Variants in EXOC4 observed in about 807,000 individuals in gnomAD.
EXOC4 encodes the protein exocyst complex component 4, also known as SEC8-like 1.
Under a neutral mutation model 107.2 loss-of-function variants are expected in EXOC4, and 71 were observed. The observed-to-expected ratio is 0.66, with a 90% confidence interval of 0.55 to 0.81. The LOEUF (loss-of-function observed/expected upper bound fraction) is 0.81. Ranked by LOEUF, EXOC4 falls within the 30% of genes least tolerant of loss-of-function variation. EXOC4 has a pLI of 0.00. For synonymous variants in EXOC4, 456 were observed against 441.2 expected, an observed-to-expected ratio of 1.03 and a Z score of -0.42; for missense variants, 1,108 against 1,189.6, an observed-to-expected ratio of 0.93 and a Z score of 1.01.
intron 7 of EXOC4, among the ~76,000 whole-genome samples, chr7:133,458,158 A>C (rs1377108071): frequency 6.6e-6 from 1 of 152,166 alleles, no homozygotes; most frequent in African/African-American, 2.4e-5. Flanking sequence ...CTACGCAGCT[A>C]TTCATCTCAT....
At chr7:133,623,199 G>A (rs1021926153) in intron 9 of EXOC4, among the ~76,000 whole-genome samples, 1 of 152,066 alleles carries the variant, frequency 6.6e-6, no homozygotes, top group African/African-American at 2.4e-5. Context: ...AGTATAACGC[G>A]AGAGCTACAC....
chr7:133,817,302 C>A (rs1797394886), intron 10 of EXOC4, 23 bp from the exon 11 acceptor site: 16 of 1,543,308 alleles, frequency 1.0e-5, no homozygotes, highest in African/African-American at 1.4e-5. Flanking sequence ...AATTTAATAA[C>A]CTTCTTACTG....
At chr7:133,480,584 A>C (rs1799131368) in intron 9 of EXOC4, 2 of 305,604 alleles carry the variant, frequency 6.5e-6, no homozygotes, top group Admixed American at 1.0e-4. Context: ...ATAGTATGTT[A>C]TAATCAATAT....
chr7:134,070,731 A>C (rs891838745), downstream of EXOC4, among the ~76,000 whole-genome samples: 3 of 152,168 alleles, frequency 2.0e-5, no homozygotes, highest in African/African-American at 2.4e-5. Context: ...TAAAAGCCAC[A>C]TGCATACTAT....
chr7:133,995,857 G>C (rs929584114), intron 14 of EXOC4, among the ~76,000 whole-genome samples: 20 of 152,074 alleles, frequency 1.3e-4, no homozygotes, highest in African/African-American at 4.8e-4. Context: ...AGTGCTGAAA[G>C]GTCATAAGTG....
intron 2 of EXOC4, among the ~76,000 whole-genome samples, chr7:133,282,100 T>C (rs553970682): frequency 3.9e-5 from 6 of 152,342 alleles, no homozygotes; most frequent in African/African-American, 1.2e-4. Context: ...CTGGTCTTCC[T>C]CTCACAAATG....
intron 14 of EXOC4, among the ~76,000 whole-genome samples, chr7:133,971,218 G>C (rs1249859818): frequency 1.3e-5 from 2 of 151,570 alleles, no homozygotes; most frequent in African/African-American, 2.4e-5. Flanking sequence ...TGACGAGTAA[G>C]AGATTGATTT....
At chr7:133,989,324 A>G (rs1794192573) in intron 14 of EXOC4, among the ~76,000 whole-genome samples, 1 of 152,186 alleles carries the variant, frequency 6.6e-6, no homozygotes, top group Non-Finnish European at 1.5e-5. Flanking sequence ...ATATACAGGT[A>G]GCAGTATCTT....
rs889112090 is a variant in EXOC4, at chr7:133,347,482, T to C, written c.764-8848T>C. Among the ~76,000 whole-genome samples, 5 of 152,136 alleles carry C rather than the reference T, an allele frequency of 3.3e-5. 1 individual carries two copies. ...TGGTCTCGATCTCTTGACCTCTTGATCCGCCTGCCTCAGCCTCCCAAAGTG... is the reference window on the plus strand; with the variant it reads ...TGGTCTCGATCTCTTGACCTCTTGACCCGCCTGCCTCAGCCTCCCAAAGTG... On this transcript the variant is annotated intron_variant, in intron 5 of 17. Coordinates refer to ENST00000253861, the MANE Select transcript of EXOC4 (RefSeq NM_021807.4).
chr7:133,736,231 C>A (rs1357457556), intron 10 of EXOC4, among the ~76,000 whole-genome samples: 1 of 152,180 alleles, frequency 6.6e-6, no homozygotes, highest in Non-Finnish European at 1.5e-5. Flanking sequence ...CAAGTTTATC[C>A]AAACAGTAGG....
At position 134,007,670 on chromosome 7, in the gene EXOC4, C is replaced by T. The variant is rs953293600; in HGVS notation, c.2528-6C>T. ...TTCTTTGCCCCGCACTGTGCTGACCCCTCAGGCCTGGGCCACCTGATCTCC... is the reference window on the plus strand; with the variant it reads ...TTCTTTGCCCCGCACTGTGCTGACCTCTCAGGCCTGGGCCACCTGATCTCC... On this transcript the variant is annotated splice_polypyrimidine_tract_variant and splice_region_variant and intron_variant, in intron 16 of 17. Transcript: ENST00000253861. 6.2e-7 allele frequency: 1 copy of T among 1,611,732 alleles called. No homozygotes were observed. The highest frequency in any genetic ancestry group is 2.2e-5 in the East Asian group (1 of 44,836).
At chr7:133,426,443 T>C (rs1419364341) in intron 7 of EXOC4, among the ~76,000 whole-genome samples, 1 of 152,198 alleles carries the variant, frequency 6.6e-6, no homozygotes, top group Admixed American at 6.5e-5. Flanking sequence ...AATAAGCAAA[T>C]TAATTACATG....
intron 13 of EXOC4, among the ~76,000 whole-genome samples, chr7:133,933,340 C>T (rs532055713): frequency 5.0e-4 from 76 of 152,252 alleles, no homozygotes; most frequent in Non-Finnish European, 9.4e-4. Context: ...TCATAGGCTT[C>T]TATGTGAGCC....
chr7:134,069,303 TCC>T (rs1796236435), downstream of EXOC4, among the ~76,000 whole-genome samples: 1 of 55,460 alleles, frequency 1.8e-5, no homozygotes. Context: ...ATTCTCCTCC[TCC>T]TCCTTTCTTC....
intron 17 of EXOC4, among the ~76,000 whole-genome samples, chr7:134,051,329 C>A (rs2116580189): frequency 6.6e-6 from 1 of 152,180 alleles, no homozygotes; most frequent in East Asian, 1.9e-4. Context: ...GAGCCAATAG[C>A]AGAATCAGAG....
chr7:133,406,676 T>C (rs985393032), intron 7 of EXOC4, among the ~76,000 whole-genome samples: 7 of 152,236 alleles, frequency 4.6e-5, no homozygotes, highest in African/African-American at 1.7e-4. Context: ...ATAAATAAAA[T>C]ACAGTTCTCA....
intron 17 of EXOC4, among the ~76,000 whole-genome samples, chr7:134,033,555 C>G (rs1040664115): frequency 6.6e-6 from 1 of 152,080 alleles, no homozygotes; most frequent in Non-Finnish European, 1.5e-5. Flanking sequence ...CTTGCCTATA[C>G]TTAGAGGCCC....
chr7:133,439,962 A>T (rs1319842674), intron 7 of EXOC4, among the ~76,000 whole-genome samples: 1 of 152,150 alleles, frequency 6.6e-6, no homozygotes, highest in Non-Finnish European at 1.5e-5. Flanking sequence ...AGATGAGCAC[A>T]TTGCTTATTG....
intron 9 of EXOC4, among the ~76,000 whole-genome samples, chr7:133,567,760 A>G (rs1192932711): frequency 6.6e-6 from 1 of 152,210 alleles, no homozygotes; most frequent in Non-Finnish European, 1.5e-5. Context: ...GGCAAAAGGC[A>G]GAAATGAACA....
Sources: allele counts gnomAD v4.1 joint callset (sites outside exome capture counted in the v4.1 genomes callset), GRCh38; gene constraint gnomAD v4.1.1; transcripts MANE v1.5; gene names NCBI Gene and HGNC (gene_info 2026-07-23, HGNC 2026-07-21).